The following TRPA1 variants were observed in gnomAD, a reference collection of about 807,000 sequenced individuals.
TRPA1 encodes transient receptor potential cation channel subfamily A member 1.
In TRPA1, 129 loss-of-function variants were observed where a neutral mutation model predicts 131.3. The observed-to-expected ratio is 0.98, with a 90% CI of 0.85 to 1.14. The LOEUF (loss-of-function observed/expected upper bound fraction) is 1.14. Ranked by LOEUF, TRPA1 falls within the 50% of genes most tolerant of loss-of-function variation. The pLI is 0.00. For missense variants in TRPA1, 1,304 were observed against 1,354.2 expected (o/e 0.96, Z 0.58); for synonymous variants, 441 against 451.7 (o/e 0.98, Z 0.30).
In TRPA1 at chr8:72,045,256, G is replaced by GT. The variant is rs1812388713; in HGVS notation, c.2061+1256dup. 2.0e-5 allele frequency among the ~76,000 whole-genome samples: 3 copies of GT among 151,904 alleles called. No individual in the cohort carries two copies. The South Asian group carries it at 6.2e-4, about 31-fold the overall frequency. On this transcript the variant is annotated intron_variant, in intron 17 of 26. Transcript: ENST00000262209. ...GCATTCTCCATACTCCAAGTGCTCA[G>GT]TAAGCCTTGTAGGTTTAACTTGGGT... is the stretch of plus-strand genomic sequence containing the variant.
intron 24 of TRPA1, among the ~76,000 whole-genome samples, chr8:72,026,910 T>C (rs34854913): frequency 0.22 from 34,071 of 151,982 alleles, 4,168 homozygotes; most frequent in Middle Eastern, 0.41. Flanking sequence ...CTGCTTAAAA[T>C]TGTGGCCCCC....
At chr8:72,085,702 T>A in the TRPA1 span, among the ~76,000 whole-genome samples, 1 of 152,172 alleles carries the variant, frequency 6.6e-6, no homozygotes, top group Non-Finnish European at 1.5e-5. Context: ...ATTTTGTTTT[T>A]AACCCAATCT....
At chr8:72,078,786 G>T (rs926823022), upstream of TRPA1, among the ~76,000 whole-genome samples, 1 of 151,970 alleles carries the variant, frequency 6.6e-6, no homozygotes, top group African/African-American at 2.4e-5. Flanking sequence ...TAGTGGATTT[G>T]CTGAGTAATG....
upstream of TRPA1, among the ~76,000 whole-genome samples, chr8:72,077,298 G>GC (rs1806207644): frequency 6.9e-6 from 1 of 145,836 alleles, no homozygotes; most frequent in African/African-American, 2.5e-5. Flanking sequence ...GGTGGGGGGG[G>GC]GGGCAGCGTG....
the TRPA1 span, among the ~76,000 whole-genome samples, chr8:72,084,645 TA>T: frequency 7.6e-6 from 1 of 132,382 alleles, no homozygotes; most frequent in African/African-American, 2.9e-5. Flanking sequence ...CTTAAAATGA[TA>T]ATTTTTTTTT....
At position 72,023,038 on chromosome 8, in the gene TRPA1, A is replaced by G. The variant is rs775758896; in HGVS notation, c.3228T>C (p.Ser1076=). ...AATGGCTATCATCATCCTCTGTCTCAGAGATGATCTCCATCTTCTGAATGA... is the reference window on the plus strand; with the variant it reads ...AATGGCTATCATCATCCTCTGTCTCGGAGATGATCTCCATCTTCTGAATGA... ...KLIIQKMEII[S]ETEDDDSHCS... Residue 1076 remains serine (S), a synonymous_variant, in exon 27 of 27, where the codon TCT becomes TCC. Transcript: ENST00000262209. 2 of 1,613,646 alleles carry G rather than the reference A, an allele frequency of 1.2e-6. No individual in the cohort carries two copies. The highest frequency in any genetic ancestry group is 8.5e-7 in the Non-Finnish European group (1 of 1,179,790).
chr8:72,034,001 G>A (rs1166976179), intron 22 of TRPA1, among the ~76,000 whole-genome samples, 175 bp from the exon 23 acceptor site: 1 of 152,142 alleles, frequency 6.6e-6, no homozygotes, highest in African/African-American at 2.4e-5. Flanking sequence ...TCAAAAATAT[G>A]TTATCTGCAT....
At position 72,041,884 on chromosome 8, in the gene TRPA1, A is replaced by G. The variant is rs1812263860; in HGVS notation, c.2062-2087T>C. Among the ~76,000 whole-genome samples the G allele has an allele frequency of 3.3e-5, 5 of 151,866 alleles. No individual in the cohort carries two copies. The South Asian group carries it at 1.0e-3, about 32-fold the overall frequency. ...ATTAGAGCAGAGATAAATGTAATAG[A>G]GAATAGAAAAACAATAGAAAAAAAT... On this transcript the variant is annotated intron_variant, in intron 17 of 26. Transcript: ENST00000262209.
chr8:72,061,476 G>C, intron 7 of TRPA1, 149 bp downstream of exon 7: 5 of 852,218 alleles, frequency 5.9e-6, no homozygotes, highest in South Asian at 4.6e-5. Context: ...ACGCGATTCC[G>C]GTTGATCCAC....
At chr8:72,067,339 G>A (rs1805956214) in intron 3 of TRPA1, among the ~76,000 whole-genome samples, 1 of 152,154 alleles carries the variant, frequency 6.6e-6, no homozygotes, top group Non-Finnish European at 1.5e-5. Flanking sequence ...AACCAGAGGA[G>A]TCTGAAAATA....
At chr8:72,066,947 G>A (rs1036821968) in intron 3 of TRPA1, among the ~76,000 whole-genome samples, 1 of 152,192 alleles carries the variant, frequency 6.6e-6, no homozygotes, top group Non-Finnish European at 1.5e-5. Context: ...CCTCATGGAA[G>A]GGTCAAACAA....
Position 72,022,170 on chromosome 8 carries a change from A to T in TRPA1, c.*736T>A, listed in dbSNP as rs1224845578. On this transcript the variant is annotated 3_prime_UTR_variant, in exon 27 of 27. Transcript: ENST00000262209. ...GGAGCCATGTTGTTTTCAAATCTCA[A>T]ACAAAGGCTCATACAATAATCACAG... 5 of 146,448 alleles carry T rather than the reference A, an allele frequency of 3.4e-5. No individual in the cohort carries two copies. Among genetic ancestry groups the T allele is most frequent in the African/African-American group, 1.4e-4 (5 of 35,998 alleles). 9.1% of individuals were successfully genotyped at this position (146,448 alleles called of 1,614,324 possible). A position where few individuals can be genotyped will look rare whatever the true frequency, so the allele number is the denominator to read the frequency against.
intron 3 of TRPA1, among the ~76,000 whole-genome samples, chr8:72,068,158 A>G (rs1254390144): frequency 1.3e-5 from 2 of 152,246 alleles, no homozygotes; most frequent in Non-Finnish European, 2.9e-5. Context: ...GGGCTGAGAG[A>G]AAGTTTTCTG....
At chr8:72,068,314 T>C (rs1805977934) in intron 3 of TRPA1, among the ~76,000 whole-genome samples, 1 of 152,232 alleles carries the variant, frequency 6.6e-6, no homozygotes, top group South Asian at 2.1e-4. Flanking sequence ...TTTAGGCATG[T>C]TTGTGTTCTA....
chr8:72,044,200 T>C (rs1388434037), intron 17 of TRPA1, among the ~76,000 whole-genome samples: 1 of 151,006 alleles, frequency 6.6e-6, no homozygotes, highest in Non-Finnish European at 1.5e-5. Context: ...TATCTAGCTA[T>C]TCTTGGGAAA....
chr8:72,058,852 G>C (rs1004635609), intron 8 of TRPA1, among the ~76,000 whole-genome samples: 1 of 152,158 alleles, frequency 6.6e-6, no homozygotes, highest in African/African-American at 2.4e-5. Flanking sequence ...CGTATAAAGG[G>C]CATATTAAAA....
intron 19 of TRPA1, 89 bp from the exon 20 acceptor site, chr8:72,038,161 C>CT (rs1377400235): frequency 6.9e-3 from 4,261 of 618,996 alleles, no homozygotes; most frequent in East Asian, 8.4e-3. Flanking sequence ...TTTCTTTTTT[C>CT]TTTTTTTTTT....
In TRPA1 at chr8:72,075,365, C is replaced by T. The variant is rs1806152516; in HGVS notation, c.45G>A (p.Lys15=). The T allele has an allele frequency of 6.2e-7, 1 of 1,612,046 alleles. No homozygotes were observed. The highest frequency in any genetic ancestry group is 8.5e-7 in the Non-Finnish European group (1 of 1,179,832). Residue 15 remains lysine (K), a synonymous_variant, in exon 1 of 27, where the codon AAG becomes AAA. Transcript: ENST00000262209. ...CCTCATAGACAACGCCCTGGGGCTC[C>T]TTCTTTTCTCCAGGGCGCCACATCT... ...LRKMWRPGEK[K]EPQGVVYEDV... is the part of the protein sequence containing the mutation.
the TRPA1 span, among the ~76,000 whole-genome samples, chr8:72,081,034 AT>A: frequency 5.3e-5 from 8 of 150,226 alleles, no homozygotes; most frequent in African/African-American, 2.0e-4. Context: ...CTTTTGTTTC[AT>A]TTTTTTCTTT....
Sources: allele counts gnomAD v4.1 joint callset (sites outside exome capture counted in the v4.1 genomes callset), GRCh38; gene constraint gnomAD v4.1.1; transcripts MANE v1.5; gene names NCBI Gene and HGNC (gene_info 2026-07-23, HGNC 2026-07-21).